NCOA7: variants seen among roughly 807,000 people sequenced by gnomAD.
The protein encoded by NCOA7 is nuclear receptor coactivator 7, also known as 140 kDa estrogen receptor-associated protein.
A neutral mutation model predicts 104.3 loss-of-function variants in NCOA7; 45 were observed. The ratio of observed to expected loss-of-function variants is 0.43; its 90% confidence interval spans 0.34 to 0.55. NCOA7 has a LOEUF of 0.55. Among genes scored for constraint, NCOA7 ranks in the 20% least tolerant of loss-of-function variants. The pLI, the probability that NCOA7 is intolerant of heterozygous loss-of-function variation, is 0.02. For missense variants in NCOA7, 1,041 were observed against 1,119.7 expected (o/e 0.93, Z 1.00); for synonymous variants, 398 against 402.3 (o/e 0.99, Z 0.13).
At chr6:125,895,648 G>A (rs1300061395) in intron 10 of NCOA7, among the ~76,000 whole-genome samples, 1 of 152,104 alleles carries the variant, frequency 6.6e-6, no homozygotes, top group Non-Finnish European at 1.5e-5. Flanking sequence ...GCATAGTGCT[G>A]GCCATCTCTG....
intron 2 of NCOA7, chr6:125,818,949 TA>T (rs1777873542): frequency 2.0e-5 from 3 of 152,236 alleles, no homozygotes; most frequent in Admixed American, 2.0e-4. Flanking sequence ...CAGTTTTCTC[TA>T]AACTAAATTA....
At chr6:125,816,314 C>T (rs1033016130) in intron 2 of NCOA7, among the ~76,000 whole-genome samples, 1 of 152,136 alleles carries the variant, frequency 6.6e-6, no homozygotes, top group Non-Finnish European at 1.5e-5. Context: ...GAGTGTTTTA[C>T]TTATTATTTT....
chr6:125,847,512 A>C (rs1780729737), intron 2 of NCOA7, among the ~76,000 whole-genome samples: 1 of 152,216 alleles, frequency 6.6e-6, no homozygotes, highest in Non-Finnish European at 1.5e-5. Flanking sequence ...CAAATTTTAA[A>C]ATTAAGAACA....
At chr6:125,848,326 T>TG (rs1274132538) in intron 2 of NCOA7, among the ~76,000 whole-genome samples, 2 of 152,292 alleles carry the variant, frequency 1.3e-5, no homozygotes, top group East Asian at 3.9e-4. Context: ...CTATAAATCA[T>TG]GCTGCTATGA....
At chr6:125,825,285 A>G (rs977853615) in intron 2 of NCOA7, among the ~76,000 whole-genome samples, 1 of 152,100 alleles carries the variant, frequency 6.6e-6, no homozygotes, top group Non-Finnish European at 1.5e-5. Flanking sequence ...GTGAGCTATG[A>G]TCATGTCGTT....
At chr6:125,783,092 C>G (rs1774299012) in intron 1 of NCOA7, among the ~76,000 whole-genome samples, 1 of 152,136 alleles carries the variant, frequency 6.6e-6, no homozygotes, top group African/African-American at 2.4e-5. Flanking sequence ...GGCTTCCAGA[C>G]AAAAAGCAGC....
chr6:125,894,495 G>C (rs979458267), intron 10 of NCOA7, among the ~76,000 whole-genome samples: 2 of 152,152 alleles, frequency 1.3e-5, no homozygotes, highest in Non-Finnish European at 2.9e-5. Flanking sequence ...ATCCCCAGAA[G>C]TATGGGCCTT....
chr6:125,805,693 A>T (rs1776383003), intron 1 of NCOA7, among the ~76,000 whole-genome samples: 1 of 152,216 alleles, frequency 6.6e-6, no homozygotes, highest in South Asian at 2.1e-4. Flanking sequence ...TTTGGTGCAT[A>T]TGGTTAATGT....
At chr6:125,815,256 T>C in intron 1 of NCOA7, 35 bp from the exon 2 acceptor site, 1 of 817,192 alleles carries the variant, frequency 1.2e-6, no homozygotes, top group East Asian at 2.7e-5. Flanking sequence ...TGTAAACTTT[T>C]AAGTTTACAG....
intron 3 of NCOA7, among the ~76,000 whole-genome samples, chr6:125,855,811 G>A (rs1013904018): frequency 2.0e-5 from 3 of 151,982 alleles, no homozygotes; most frequent in African/African-American, 4.8e-5. Context: ...AGCCTCCCAA[G>A]TAGCTGGGAT....
intron 1 of NCOA7, among the ~76,000 whole-genome samples, chr6:125,793,526 G>A (rs1293051247): frequency 6.6e-6 from 1 of 152,120 alleles, no homozygotes; most frequent in East Asian, 1.9e-4. Flanking sequence ...TCTGGGATTG[G>A]TTGACTCACT....
intron 10 of NCOA7, among the ~76,000 whole-genome samples, chr6:125,903,382 C>A: frequency 6.6e-6 from 1 of 152,164 alleles, no homozygotes; most frequent in East Asian, 1.9e-4. Context: ...GCCTTTATTT[C>A]TAGTTGATCC....
Position 125,930,006 on chromosome 6 carries a change from G to T in NCOA7, c.*1235G>T, listed in dbSNP as rs1040230419. 5.3e-5 allele frequency: 8 copies of T among 152,130 alleles called. No homozygotes were observed. The highest frequency in any genetic ancestry group is 5.2e-4 in the Admixed American group (8 of 15,266). The allele number at this position is 152,130 out of a possible 1,614,324, so 9.4% of individuals were successfully genotyped here. The stretch of plus-strand genomic sequence containing the variant: ...ATGCATTCATATCAAAATTGGAATA[G>T]AAAGGAAAACCTATTTTTAAGATAT... On this transcript the variant is annotated 3_prime_UTR_variant, in exon 16 of 16. Transcript: ENST00000392477.
intron 2 of NCOA7, among the ~76,000 whole-genome samples, chr6:125,852,590 G>C (rs1305492070): frequency 4.6e-5 from 7 of 152,160 alleles, no homozygotes; most frequent in Non-Finnish European, 7.4e-5. Flanking sequence ...TATGTATGGT[G>C]AGAGATAAGG....
intron 10 of NCOA7, among the ~76,000 whole-genome samples, chr6:125,897,374 A>G (rs971096938): frequency 1.3e-5 from 2 of 152,180 alleles, no homozygotes; most frequent in Non-Finnish European, 2.9e-5. Flanking sequence ...TAGAAAATAG[A>G]TGTTTCATAG....
At chr6:125,798,027 T>A (rs925380383) in intron 1 of NCOA7, 2 of 152,224 alleles carry the variant, frequency 1.3e-5, no homozygotes, top group Admixed American at 6.5e-5. Context: ...TGCAGATTAC[T>A]AGATTTAAAA....
chr6:125,925,021 C>T (rs1337228666), intron 13 of NCOA7, among the ~76,000 whole-genome samples: 1 of 152,174 alleles, frequency 6.6e-6, no homozygotes, highest in Non-Finnish European at 1.5e-5. Flanking sequence ...GCATGGCAGG[C>T]TGAGAATACA....
intron 10 of NCOA7, among the ~76,000 whole-genome samples, chr6:125,908,286 G>T (rs1786211471): frequency 6.6e-6 from 1 of 152,164 alleles, no homozygotes; most frequent in Non-Finnish European, 1.5e-5. Context: ...TTAAACCTAA[G>T]AAACACACAC....
rs941942467 is a variant in NCOA7 at position 125,928,092 on chromosome 6, A to G, written c.2620-82A>G. ...ATGGGGTGAGGTGGTTCCCTTTTAC[A>G]TATAGATACTATTTCATATTTCCTC... On this transcript the variant is annotated intron_variant, in intron 14 of 15. Coordinates refer to ENST00000392477, the MANE Select transcript of NCOA7 (RefSeq NM_181782.5). 13 of 1,298,604 alleles carry G rather than the reference A, an allele frequency of 1.0e-5. No individual in the cohort carries two copies. In the African/African-American group the frequency reaches 1.0e-4, roughly 10 times the overall value. The allele number at this position is 1,298,604 out of a possible 1,614,324, so 80.4% of individuals were successfully genotyped here.
Sources: allele counts gnomAD v4.1 joint callset (sites outside exome capture counted in the v4.1 genomes callset), GRCh38; gene constraint gnomAD v4.1.1; transcripts MANE v1.5; gene names NCBI Gene and HGNC (gene_info 2026-07-23, HGNC 2026-07-21).